Variants in DSC1 observed in about 807,000 individuals in gnomAD.
DSC1 encodes desmocollin-1.
Under a neutral mutation model 98.8 loss-of-function variants are expected in DSC1, and 79 were observed. The ratio of observed to expected loss-of-function variants is 0.80; its 90% CI spans 0.67 to 0.96. The LOEUF is 0.96. Among genes scored for constraint, DSC1 ranks in the 50% least tolerant of loss-of-function variants. The probability of loss-of-function intolerance (pLI) is 0.00; values close to 1 mark genes in which losing one functional copy is unlikely to be tolerated. For synonymous variants in DSC1, 405 were observed against 372.1 expected, an observed-to-expected ratio of 1.09 and a Z score of -1.02; for missense variants, 1,115 against 1,075.9, an observed-to-expected ratio of 1.04 and a Z score of -0.51.
At chr18:31,151,875 C>T (rs1392953250) in intron 5 of DSC1, among the ~76,000 whole-genome samples, 1 of 152,034 alleles carries the variant, frequency 6.6e-6, no homozygotes, top group African/African-American at 2.4e-5. Flanking sequence ...ATAAACATTA[C>T]AAGAGGCCGG....
chr18:31,152,692 A>G (rs979941530), intron 5 of DSC1, among the ~76,000 whole-genome samples: 1 of 152,106 alleles, frequency 6.6e-6, no homozygotes, highest in Non-Finnish European at 1.5e-5. Flanking sequence ...AGCGAACTCT[A>G]GGAGGTTGTG....
chr18:31,134,557 A>C lies in DSC1; in HGVS notation c.1876+15T>G, dbSNP rs759345508. The C allele has an allele frequency of 6.3e-7, 1 of 1,583,372 alleles. No homozygotes were observed. The highest frequency in any genetic ancestry group is 8.6e-7 in the Non-Finnish European group (1 of 1,159,070). ...GAAGTCCGTATTGACTATAAAATTT[A>C]GCATGATTACATACCATCCTTTTCT... On this transcript the variant is annotated intron_variant, in intron 12 of 15. Transcript: ENST00000257198.
At chr18:31,148,111 G>A (rs545013145) in intron 6 of DSC1, among the ~76,000 whole-genome samples, 1 of 152,066 alleles carries the variant, frequency 6.6e-6, no homozygotes, top group Non-Finnish European at 1.5e-5. Context: ...TTTTCCTAAT[G>A]GCAAAATTGA....
chr18:31,139,977 T>C, intron 10 of DSC1, 65 bp downstream of exon 10: 3 of 1,569,500 alleles, frequency 1.9e-6, no homozygotes, highest in Admixed American at 2.0e-5. Flanking sequence ...ACATAAAACA[T>C]TCATAACTTT....
chr18:31,159,047 G>GTTTTTTGTTTTTTTTTTTTT (rs1555646388), intron 2 of DSC1, among the ~76,000 whole-genome samples: 1 of 71,098 alleles, frequency 1.4e-5, no homozygotes, highest in Non-Finnish European at 2.5e-5. Context: ...CTACTATGTG[G>GTTTTTTGTTTTTTTTTTTTT]TTTTTTTTTT....
Position 31,162,762 on chromosome 18 carries a change from G to C in DSC1, c.-168C>G. The C allele has an allele frequency of 1.7e-6, 1 of 593,566 alleles. No homozygotes were observed. The highest frequency in any genetic ancestry group is 3.0e-6 in the Non-Finnish European group (1 of 329,668). The allele number at this position is 593,566 out of a possible 1,614,324, so 36.8% of individuals were successfully genotyped here. ...CGGAGGCAAGTGATAAACAGTAGGA[G>C]GAGCAACGGGAGAATTTCTTTCCCC... is the stretch of plus-strand genomic sequence containing the variant. On this transcript the variant is annotated 5_prime_UTR_variant, in exon 1 of 16. Transcript: ENST00000257198.
chr18:31,147,963 C>A (rs1483796354), intron 6 of DSC1, among the ~76,000 whole-genome samples: 1 of 151,452 alleles, frequency 6.6e-6, no homozygotes, highest in Non-Finnish European at 1.5e-5. Context: ...TAAAAAACCA[C>A]TGAATGAATG....
At chr18:31,134,880 C>A in intron 11 of DSC1, 96 bp from the exon 12 acceptor site, 1 of 1,179,244 alleles carries the variant, frequency 8.5e-7, no homozygotes. Flanking sequence ...TTTCTACTAG[C>A]TGTCTGAGCT....
At chr18:31,145,589 A>ATAGTTAATTAATCATCATTACT in intron 7 of DSC1, 22 bp downstream of exon 7, 1 of 1,612,626 alleles carries the variant, frequency 6.2e-7, no homozygotes, top group Non-Finnish European at 8.5e-7. Context: ...CAATGACTAG[A>ATAGTTAATTAATCATCATTACT]TAGTTAATTA....
At chr18:31,160,577 T>C (rs1989190402) in intron 1 of DSC1, among the ~76,000 whole-genome samples, 1 of 152,192 alleles carries the variant, frequency 6.6e-6, no homozygotes, top group African/African-American at 2.4e-5. Context: ...AAATCTATGT[T>C]AGGCAGAAAT....
chr18:31,152,367 G>T (rs12606944), intron 5 of DSC1, among the ~76,000 whole-genome samples: 33,787 of 151,928 alleles, frequency 0.22, 4,302 homozygotes, highest in East Asian at 0.56. Flanking sequence ...ACTATTCTTT[G>T]AATATGTATT....
chr18:31,150,330 C>T (rs796592134), intron 5 of DSC1, among the ~76,000 whole-genome samples: 418 of 28,376 alleles, frequency 0.015, 33 homozygotes, highest in East Asian at 0.12. Flanking sequence ...ATCATCACCA[C>T]CACCACTACC....
intron 10 of DSC1, 29 bp downstream of exon 10, chr18:31,140,013 A>G (rs1314561802): frequency 6.3e-7 from 1 of 1,584,072 alleles, no homozygotes; most frequent in East Asian, 2.2e-5. Context: ...CACAATTAAA[A>G]TTAAGGAGCT....
At chr18:31,139,705 CAT>C in intron 11 of DSC1, 41 bp downstream of exon 11, 1 of 1,493,788 alleles carries the variant, frequency 6.7e-7, no homozygotes, top group Non-Finnish European at 9.0e-7. Context: ...TCCTTAAAAA[CAT>C]GTCATATATT....
intron 9 of DSC1, 24 bp downstream of exon 9, chr18:31,141,975 A>T (rs1198023228): frequency 6.3e-7 from 1 of 1,586,012 alleles, no homozygotes; most frequent in Non-Finnish European, 8.5e-7. Context: ...TTTAAAGCAT[A>T]GCCTGATTAT....
intron 5 of DSC1, among the ~76,000 whole-genome samples, chr18:31,151,478 CAAT>C (rs1404002080): frequency 6.6e-6 from 1 of 151,840 alleles, no homozygotes; most frequent in Non-Finnish European, 1.5e-5. Context: ...GTATTAAAAG[CAAT>C]AATAATATAC....
chr18:31,153,993 CTT>C (rs1366458838), intron 5 of DSC1, among the ~76,000 whole-genome samples: 6 of 152,152 alleles, frequency 3.9e-5, no homozygotes, highest in Non-Finnish European at 7.4e-5. Context: ...TTATTATACT[CTT>C]ATATCATTCA....
At position 31,148,561 on chromosome 18, in the gene DSC1, CA is replaced by C; in HGVS notation, c.708del (p.Asn236LysfsTer11). On this transcript the variant is annotated frameshift_variant, in exon 6 of 16. Transcript: ENST00000257198. LOFTEE classifies it high-confidence loss of function. ...LPLIIKIEDD[N>X]DNAPYFEHRV... ...CTGTGTTCAAAATATGGGGCGTTAT[CA>C]TTATCATCTTCAATTTTGATGATCA... The C allele has an allele frequency of 6.2e-7, 1 of 1,612,430 alleles. No individual in the cohort carries two copies.
intron 5 of DSC1, among the ~76,000 whole-genome samples, chr18:31,150,405 C>CCAT (rs1988972147): frequency 8.3e-5 from 1 of 12,046 alleles, no homozygotes; most frequent in Non-Finnish European, 2.5e-4. Context: ...ATTATCACCA[C>CCAT]CACCACATCA....
Sources: allele counts gnomAD v4.1 joint callset (sites outside exome capture counted in the v4.1 genomes callset), GRCh38; gene constraint gnomAD v4.1.1; transcripts MANE v1.5; gene names NCBI Gene and HGNC (gene_info 2026-07-23, HGNC 2026-07-21).